IPO13: variants seen among roughly 807,000 people sequenced by gnomAD.
IPO13 encodes the protein importin 13.
Under a neutral mutation model 115.5 loss-of-function variants are expected in IPO13, and 28 were observed. The observed-to-expected ratio is 0.24, with a 90% confidence interval of 0.18 to 0.33. The LOEUF (loss-of-function observed/expected upper bound fraction) is 0.33, where lower values mean the gene tolerates loss of function less well. Among genes scored for constraint, IPO13 ranks in the 10% least tolerant of loss-of-function variants. The pLI is 1.00. For synonymous variants in IPO13, 414 were observed against 478.9 expected, an observed-to-expected ratio of 0.86 and a Z score of 1.77; for missense variants, 785 against 1,204.6, an observed-to-expected ratio of 0.65 and a Z score of 5.16.
rs746734619 is a variant in IPO13, at chr1:43,960,278, G to C, written c.2058G>C (p.Gln686His). 1.4e-5 allele frequency: 23 copies of C among 1,614,154 alleles called. No homozygotes were observed. Among genetic ancestry groups the C allele is most frequent in the Non-Finnish European group, 1.9e-5 (23 of 1,180,026 alleles). ...TGGTGGTGCTGCAGCAGGTCTTCCA[G>C]CTTATCCAGAAGGTGCTGAGCAAAT... ...PVVVVLQQVFQLIQKVLSKWL... is the reference protein window; with the variant it reads ...PVVVVLQQVFHLIQKVLSKWL... Residue 686 changes from glutamine (Q) to histidine (H), a missense_variant, in exon 12 of 20, where the codon CAG becomes CAC. Physicochemically the swap from Gln to His is conservative, Grantham distance 24 (BLOSUM62 0). Around this residue, in one of 3 missense-constraint regions of IPO13, gnomAD observed 285 missense variants for 394.8 expected, o/e 0.72. Coordinates refer to ENST00000372343, the MANE Select transcript of IPO13 (RefSeq NM_014652.4).
chr1:43,966,954 G>C lies in IPO13; in HGVS notation c.2548G>C (p.Glu850Gln), dbSNP rs1410876514. The change falls in exon 18 of 20, where the codon GAA (glutamate) becomes CAA (glutamine). Residue 850 changes from glutamate (E) to glutamine (Q), a missense_variant. Around this residue, in one of 3 missense-constraint regions of IPO13, gnomAD observed 285 missense variants for 394.8 expected, o/e 0.72. Transcript: ENST00000372343. The surrounding 1 kb of genome is among the most constrained non-coding windows in gnomAD (Gnocchi z 4.1). ...GACAGAGCTGCTGCCTCGGTGTGGG[G>C]AAGTAGAGTCTGTGGGAAAGGTGGT... The part of the protein sequence containing the change: ...FFTELLPRCG[E>Q]VESVGKVVQE... The C allele has an allele frequency of 2.5e-6, 4 of 1,613,902 alleles. No individual in the cohort carries two copies. The highest frequency in any genetic ancestry group is 3.4e-6 in the Non-Finnish European group (4 of 1,180,030).
intron 14 of IPO13, among the ~76,000 whole-genome samples, chr1:43,963,391 C>T (rs149611622): frequency 1.1e-3 from 169 of 152,330 alleles, no homozygotes; most frequent in African/African-American, 3.8e-3. Flanking sequence ...GCTCCCATAC[C>T]TGTTATGCCA....
rs780886011 is a variant in IPO13, at chr1:43,966,518, G to A, written c.2398-57G>A. On this transcript the variant is annotated intron_variant, in intron 15 of 19. Transcript: ENST00000372343. This position sits in a 1 kb window ranked among gnomAD's most constrained non-coding sequence, Gnocchi z 4.1. ...TGGGGGCTGGGGTGGCAGGTGAGTG[G>A]GGGGGATGGTCCTTGGAGCTGGCTG... is the stretch of plus-strand genomic sequence containing the variant. 15 of 1,561,016 alleles carry A rather than the reference G, an allele frequency of 9.6e-6. No homozygotes were observed. In the Middle Eastern group the frequency reaches 5.0e-4, roughly 52 times the overall value.
At chr1:43,959,181 G>A (rs528000418) in intron 11 of IPO13, among the ~76,000 whole-genome samples, 8 of 152,354 alleles carry the variant, frequency 5.3e-5, no homozygotes, top group East Asian at 1.9e-4. Context: ...GGACATTGAC[G>A]TTATATCCTT....
intron 11 of IPO13, among the ~76,000 whole-genome samples, chr1:43,960,013 T>C (rs2085278688): frequency 6.6e-6 from 1 of 152,204 alleles, no homozygotes; most frequent in Non-Finnish European, 1.5e-5. Flanking sequence ...TATCTCTGCT[T>C]TGCAGTTTGA....
chr1:43,946,995 G>C lies in IPO13; in HGVS notation c.-606G>C. ...GGGCGGAGGCAGCGGCTGTAGCGGGGCTGTAGCCGGGCGTTGAGCACAGCG... is the reference window on the plus strand; with the variant it reads ...GGGCGGAGGCAGCGGCTGTAGCGGGCCTGTAGCCGGGCGTTGAGCACAGCG... On this transcript the variant is annotated 5_prime_UTR_variant, in exon 1 of 20. Transcript: ENST00000372343. 1 of 398,714 alleles carries C rather than the reference G, an allele frequency of 2.5e-6. No homozygotes were observed. Among genetic ancestry groups the C allele is most frequent in the Admixed American group, 4.4e-5 (1 of 22,744 alleles). The allele number at this position is 398,714 out of a possible 1,614,324, so 24.7% of individuals were successfully genotyped here.
Position 43,967,032 on chromosome 1 carries a change from A to T in IPO13, c.2613+13A>T. On this transcript the variant is annotated intron_variant, in intron 18 of 19. Transcript: ENST00000372343. This position sits in a 1 kb window ranked among gnomAD's most constrained non-coding sequence, Gnocchi z 6.1. ...AGCAGTGCTGGAGGTGAGACGGAGC[A>T]AAGGGGGGTTTGATGGGGGTGAGGG... is the stretch of plus-strand genomic sequence containing the variant. 6.2e-7 allele frequency: 1 copy of T among 1,612,552 alleles called. No homozygotes were observed. The highest frequency in any genetic ancestry group is 8.5e-7 in the Non-Finnish European group (1 of 1,178,848).
intron 2 of IPO13, among the ~76,000 whole-genome samples, chr1:43,951,442 T>C (rs2085208203): frequency 6.6e-6 from 1 of 152,050 alleles, no homozygotes; most frequent in Admixed American, 6.5e-5. Flanking sequence ...AAGTGATGGA[T>C]GGGGAGGACA....
rs767499620 is a variant in IPO13, at chr1:43,967,542, G to A, written c.2796-44G>A. 18 of 1,614,006 alleles carry A rather than the reference G, an allele frequency of 1.1e-5. No homozygotes were observed. Among genetic ancestry groups the A allele is most frequent in the Admixed American group, 1.7e-5 (1 of 60,010 alleles). ...CCTGGGGTCAGGCAGAGAGGGGGCAGTGGTGGTGGCTGGTGCTAACCTGCT... is the reference window on the plus strand; with the variant it reads ...CCTGGGGTCAGGCAGAGAGGGGGCAATGGTGGTGGCTGGTGCTAACCTGCT... On this transcript the variant is annotated intron_variant, in intron 19 of 19. Coordinates refer to ENST00000372343, the MANE Select transcript of IPO13 (RefSeq NM_014652.4). This position sits in a 1 kb window ranked among gnomAD's most constrained non-coding sequence, Gnocchi z 6.1.
Position 43,966,716 on chromosome 1 carries a change from T to C in IPO13, c.2465-8T>C. ...CGTTAAACTGATCTGCCTCTGCCTT[T>C]CCCACAGCTGTGCTGGCCCTCAAGT... is the stretch of plus-strand genomic sequence containing the variant. On this transcript the variant is annotated splice_polypyrimidine_tract_variant and splice_region_variant and intron_variant, in intron 16 of 19. Coordinates refer to ENST00000372343, the MANE Select transcript of IPO13 (RefSeq NM_014652.4). The surrounding 1 kb of genome is among the most constrained non-coding windows in gnomAD (Gnocchi z 4.1). 1.9e-6 allele frequency: 3 copies of C among 1,614,208 alleles called. No individual in the cohort carries two copies. The highest frequency in any genetic ancestry group is 2.5e-6 in the Non-Finnish European group (3 of 1,180,034).
rs1302703003 is a variant in IPO13, at chr1:43,952,992, G to A, written c.821+2839G>A. On this transcript the variant is annotated intron_variant, in intron 2 of 19. Coordinates refer to ENST00000372343, the MANE Select transcript of IPO13 (RefSeq NM_014652.4). The surrounding 1 kb of genome is among the most constrained non-coding windows in gnomAD (Gnocchi z 4.7). ...TGACAGTTGGTGACTAAGGGAAACA[G>A]ATCAGGGCAAGTGTGTGGGTGATGT... is the stretch of plus-strand genomic sequence containing the variant. Among the ~76,000 whole-genome samples, 1 of 152,218 alleles carries A rather than the reference G, an allele frequency of 6.6e-6. No individual in the cohort carries two copies. The highest frequency in any genetic ancestry group is 6.5e-5 in the Admixed American group (1 of 15,284).
At chr1:43,954,129 G>A (rs914625964) in intron 2 of IPO13, among the ~76,000 whole-genome samples, 5 of 152,204 alleles carry the variant, frequency 3.3e-5, no homozygotes, top group African/African-American at 1.2e-4. Flanking sequence ...TGGGAGTAGA[G>A]CGCTACCTCC....
At chr1:43,954,367 GAGA>G (rs947448955) in intron 2 of IPO13, among the ~76,000 whole-genome samples, 1 of 152,192 alleles carries the variant, frequency 6.6e-6, no homozygotes, top group Non-Finnish European at 1.5e-5. Flanking sequence ...TGGGGATGTG[GAGA>G]AGGAGGCCGA....
In IPO13 at chr1:43,949,551, G is replaced by C; in HGVS notation, c.219G>C (p.Glu73Asp). 1 of 1,614,246 alleles carries C rather than the reference G, an allele frequency of 6.2e-7. No homozygotes were observed. Among genetic ancestry groups the C allele is most frequent in the Non-Finnish European group, 8.5e-7 (1 of 1,180,034 alleles). ...WQLLQPDKVPEIQYFGASALH... is the reference protein window; with the variant it reads ...WQLLQPDKVPDIQYFGASALH... ...TACTGCAGCCCGACAAGGTACCAGAGATCCAGTACTTTGGGGCCAGTGCTC... is the reference window on the plus strand; with the variant it reads ...TACTGCAGCCCGACAAGGTACCAGACATCCAGTACTTTGGGGCCAGTGCTC... Residue 73 changes from glutamate (E) to aspartate (D), a missense_variant, in exon 2 of 20, where the codon GAG (glutamate) becomes GAC (aspartate). Around this residue, in one of 3 missense-constraint regions of IPO13, gnomAD observed 325 missense variants for 449.8 expected, o/e 0.72. Coordinates refer to ENST00000372343, the MANE Select transcript of IPO13 (RefSeq NM_014652.4).
Position 43,966,894 on chromosome 1 carries a change from A to C in IPO13, c.2524-36A>C. On this transcript the variant is annotated intron_variant, in intron 17 of 19. Coordinates refer to ENST00000372343, the MANE Select transcript of IPO13 (RefSeq NM_014652.4). The surrounding 1 kb of genome is among the most constrained non-coding windows in gnomAD (Gnocchi z 4.1). Reference sequence around the variant, plus strand: ...GTCTTGTCCTCAGGGAGAGCTGGGAAGGAGCTGGGCTGATGGGCCTCTCCA... The same window carrying C: ...GTCTTGTCCTCAGGGAGAGCTGGGACGGAGCTGGGCTGATGGGCCTCTCCA... 6.2e-7 allele frequency: 1 copy of C among 1,610,086 alleles called. No individual in the cohort carries two copies. Among genetic ancestry groups the C allele is most frequent in the East Asian group, 2.2e-5 (1 of 44,864 alleles).
intron 14 of IPO13, 108 bp downstream of exon 14, chr1:43,961,370 C>T (rs2085289503): frequency 3.4e-6 from 3 of 878,480 alleles, no homozygotes; most frequent in South Asian, 1.3e-5. Context: ...CCCTGAGTCA[C>T]ACGTGGGACT....
chr1:43,950,676 C>A (rs2085203117), intron 2 of IPO13, among the ~76,000 whole-genome samples: 1 of 152,208 alleles, frequency 6.6e-6, no homozygotes, highest in African/African-American at 2.4e-5. Context: ...CACAGTATGG[C>A]ATCACTGGCC....
chr1:43,950,054 C>T lies in IPO13; in HGVS notation c.722C>T (p.Ala241Val), dbSNP rs776162494. The change falls in exon 2 of 20, where the codon GCG becomes GTG. Residue 241 changes from alanine (A) to valine (V), a missense_variant. Transcript: ENST00000372343. The stretch of plus-strand genomic sequence containing the variant: ...GAGGTGCCGCTGCAGGACTGTGAGG[C>T]GCTCATTCAGGCTGCCTTTGCTGCT... ...QLEVPLQDCE[A>V]LIQAAFAALQ... 2.4e-5 allele frequency: 38 copies of T among 1,613,672 alleles called. No individual in the cohort carries two copies. The highest frequency in any genetic ancestry group is 5.3e-5 in the African/African-American group (4 of 74,942).
In IPO13 at chr1:43,949,836, G is replaced by A. The variant is rs926634946; in HGVS notation, c.504G>A (p.Glu168=). ...AGGGCCGCTGCCTAGCCCTGTTAGAGCTGCTGACAGTGCTGCCTGAGGAGT... is the reference window on the plus strand; with the variant it reads ...AGGGCCGCTGCCTAGCCCTGTTAGAACTGCTGACAGTGCTGCCTGAGGAGT... ...DGQGRCLALL[E]LLTVLPEEFQ... The change falls in exon 2 of 20, where the codon GAG becomes GAA. Residue 168 remains glutamate (E), a synonymous_variant. Coordinates refer to ENST00000372343, the MANE Select transcript of IPO13 (RefSeq NM_014652.4). 9.3e-6 allele frequency: 15 copies of A among 1,613,670 alleles called. No individual in the cohort carries two copies. The highest frequency in any genetic ancestry group is 2.2e-5 in the East Asian group (1 of 44,860).
Sources: allele counts gnomAD v4.1 joint callset (sites outside exome capture counted in the v4.1 genomes callset), GRCh38; gene constraint gnomAD v4.1.1; regional missense constraint gnomAD v4.1.1; non-coding constraint Gnocchi (gnomAD v3.1); transcripts MANE v1.5; gene names NCBI Gene and HGNC (gene_info 2026-07-23, HGNC 2026-07-21).